PDE1C: variants seen among roughly 807,000 people sequenced by gnomAD.
PDE1C encodes the protein phosphodiesterase 1C, also known as dual specificity calcium/calmodulin-dependent 3',5'-cyclic nucleotide phosphodiesterase 1C.
In PDE1C, 62 loss-of-function variants were observed where a neutral mutation model predicts 93.1. That is an observed-to-expected ratio of 0.67 (90% CI 0.54 to 0.82). PDE1C has a LOEUF of 0.82. Ranked by LOEUF, PDE1C falls within the 40% of genes least tolerant of loss-of-function variation. The probability of loss-of-function intolerance (pLI) is 0.00; values close to 1 mark genes in which losing one functional copy is unlikely to be tolerated. For synonymous variants in PDE1C, 325 were observed against 310.1 expected (o/e 1.05, Z -0.50); for missense variants, 742 against 884.6 (o/e 0.84, Z 2.04).
the PDE1C span, among the ~76,000 whole-genome samples, chr7:31,740,398 T>C: frequency 6.6e-6 from 1 of 152,358 alleles, no homozygotes; most frequent in African/African-American, 2.4e-5. Flanking sequence ...TTTATAATCA[T>C]TTGATGAGTC....
intron 1 of PDE1C, among the ~76,000 whole-genome samples, chr7:32,339,687 AAG>A (rs1323582940): frequency 6.6e-6 from 1 of 152,144 alleles, no homozygotes; most frequent in East Asian, 1.9e-4. Context: ...ATGTCAGTGG[AAG>A]AGAGACTGGG....
At chr7:32,018,224 G>A (rs1306803375) in intron 2 of PDE1C, among the ~76,000 whole-genome samples, 3 of 152,060 alleles carry the variant, frequency 2.0e-5, no homozygotes, top group Non-Finnish European at 2.9e-5. Context: ...AATGTAATAT[G>A]TATGGTGCAG....
rs145769056 is a variant in PDE1C, at chr7:32,362,509, A to C, written c.310+65313T>G. On this transcript the variant is annotated intron_variant, in intron 1 of 1. Transcript: ENST00000672256. ...CCTCACTTTGATCTCTTTATGTCTC[A>C]ATTCTGCTGGATATTTTAAGCCACA... Among the ~76,000 whole-genome samples, 488 of 152,224 alleles carry C rather than the reference A, an allele frequency of 3.2e-3. 5 individuals are homozygous for C. The highest frequency in any genetic ancestry group is 0.011 in the African/African-American group (467 of 41,522).
chr7:31,804,971 G>A (rs945248976), intron 16 of PDE1C, among the ~76,000 whole-genome samples: 73 of 151,880 alleles, frequency 4.8e-4, no homozygotes, highest in African/African-American at 1.7e-3. Context: ...TAACCCCCAT[G>A]TGTCATGGGA....
At chr7:31,697,759 C>T in the PDE1C span, among the ~76,000 whole-genome samples, 2 of 152,116 alleles carry the variant, frequency 1.3e-5, no homozygotes, top group South Asian at 4.1e-4. Flanking sequence ...GGAAAATATG[C>T]TAATGTTTTT....
intron 2 of PDE1C, among the ~76,000 whole-genome samples, chr7:32,027,645 A>AAAAAAAAAAAAAAAG (rs70989633): frequency 1.4e-5 from 1 of 69,366 alleles, no homozygotes; most frequent in African/African-American, 5.6e-5. Context: ...AAAAAAAAAA[A>AAAAAAAAAAAAAAAG]GACTAATGGG....
At chr7:32,182,088 A>C (rs1429229883) in intron 2 of PDE1C, among the ~76,000 whole-genome samples, 2 of 152,340 alleles carry the variant, frequency 1.3e-5, no homozygotes, top group East Asian at 3.9e-4. Context: ...CACACTCCCA[A>C]GACTAAACCA....
At chr7:32,325,530 G>GT (rs1783388872) in intron 1 of PDE1C, among the ~76,000 whole-genome samples, 1 of 152,152 alleles carries the variant, frequency 6.6e-6, no homozygotes, top group Non-Finnish European at 1.5e-5. Flanking sequence ...TCTGTTCTAC[G>GT]TTTTCCCCTG....
intron 2 of PDE1C, among the ~76,000 whole-genome samples, chr7:32,204,339 G>A (rs1805254231): frequency 6.6e-6 from 1 of 152,204 alleles, no homozygotes; most frequent in Non-Finnish European, 1.5e-5. Flanking sequence ...TGAAACCGCA[G>A]ATAAGGGAGG....
chr7:31,698,001 G>C, the PDE1C span, among the ~76,000 whole-genome samples: 1 of 152,120 alleles, frequency 6.6e-6, no homozygotes, highest in Non-Finnish European at 1.5e-5. Flanking sequence ...CAAATGAACA[G>C]ATAAAATTAT....
At position 32,420,178 on chromosome 7, in the gene PDE1C, T is replaced by TAC. The variant is rs376058953; in HGVS notation, c.310+7642_310+7643dup. Among the ~76,000 whole-genome samples the TAC allele has an allele frequency of 4.4e-5, 2 of 45,258 alleles. 1 individual carries two copies. Among genetic ancestry groups the TAC allele is most frequent in the Non-Finnish European group, 9.5e-5 (2 of 21,104 alleles). 29.7% of individuals were successfully genotyped at this position (45,258 alleles called of 152,430 possible). A position where few individuals can be genotyped will look rare whatever the true frequency, so the allele number is the denominator to read the frequency against. ...ACACACATATATATGTGTATATATA[T>TAC]ACACATATATATGTGTATATATATA... On this transcript the variant is annotated intron_variant, in intron 1 of 1. Coordinates refer to the PDE1C transcript ENST00000672256.
intron 1 of PDE1C, among the ~76,000 whole-genome samples, chr7:32,239,374 CAGA>C (rs1290433279): frequency 6.6e-6 from 1 of 152,140 alleles, no homozygotes; most frequent in East Asian, 1.9e-4. Context: ...GCCCAAAAGA[CAGA>C]AGGAGACTCT....
chr7:31,926,816 C>G (rs959661638), intron 2 of PDE1C, among the ~76,000 whole-genome samples: 1 of 144,028 alleles, frequency 6.9e-6, no homozygotes, highest in Admixed American at 6.8e-5. Context: ...TTCCTGGTCT[C>G]ATGTGCCTAC....
chr7:32,021,095 G>A lies in PDE1C; in HGVS notation c.128+30459C>T, dbSNP rs117877733. Among the ~76,000 whole-genome samples the A allele has an allele frequency of 3.3e-3, 503 of 152,164 alleles. 2 individuals carry two copies. Among genetic ancestry groups the A allele is most frequent in the Non-Finnish European group, 5.1e-3 (350 of 67,962 alleles). On this transcript the variant is annotated intron_variant, in intron 2 of 17. Coordinates refer to ENST00000396191, the MANE Select transcript of PDE1C (RefSeq NM_001191057.4). ...TTTCTAATTTGAGTGTGATCCAGCC[G>A]TACTGGGGCCATCCATAGAACTGGT...
chr7:31,694,919 A>G, the PDE1C span, among the ~76,000 whole-genome samples: 1 of 152,280 alleles, frequency 6.6e-6, no homozygotes, highest in Non-Finnish European at 1.5e-5. Flanking sequence ...GGCAAATAGG[A>G]GGGTTACAAA....
chr7:32,154,485 T>G (rs1393043361), intron 3 of PDE1C, among the ~76,000 whole-genome samples: 1 of 152,194 alleles, frequency 6.6e-6, no homozygotes, highest in East Asian at 1.9e-4. Context: ...GAAATTGATG[T>G]GGACATAACA....
At chr7:32,332,200 C>T (rs927379793) in intron 1 of PDE1C, among the ~76,000 whole-genome samples, 2 of 151,670 alleles carry the variant, frequency 1.3e-5, no homozygotes, top group African/African-American at 4.8e-5. Context: ...ACACAGACAA[C>T]CCAATAAAAA....
intron 14 of PDE1C, among the ~76,000 whole-genome samples, chr7:31,817,393 G>T (rs1025315740): frequency 3.3e-5 from 5 of 152,146 alleles, no homozygotes; most frequent in Non-Finnish European, 5.9e-5. Context: ...TTTGACAAGG[G>T]CTTAGTGATA....
intron 1 of PDE1C, among the ~76,000 whole-genome samples, chr7:32,372,812 C>T (rs1056978817): frequency 1.3e-5 from 2 of 152,170 alleles, no homozygotes; most frequent in Middle Eastern, 3.2e-3. Context: ...TCTGAATAGA[C>T]ATTTCTTCAA....
Sources: gnomAD v4.1 joint callset for allele counts (sites outside exome capture counted in the v4.1 genomes callset) on GRCh38, gnomAD v4.1.1 for gene constraint, MANE v1.5 for transcripts, NCBI Gene and HGNC (gene_info 2026-07-23, HGNC 2026-07-21) for gene names.